Variants in BAIAP2L2 observed in about 807,000 individuals in gnomAD.
BAIAP2L2 encodes the protein BAR/IMD domain containing adaptor protein 2 like 2.
A neutral mutation model predicts 60.4 loss-of-function variants in BAIAP2L2; 65 were observed. The observed-to-expected ratio is 1.08, with a 90% CI of 0.88 to 1.32. The LOEUF is 1.32. Ranked by LOEUF, BAIAP2L2 falls within the 40% of genes most tolerant of loss-of-function variation. The pLI, the probability that BAIAP2L2 is intolerant of heterozygous loss-of-function variation, is 0.00. For synonymous variants in BAIAP2L2, 344 were observed against 301.7 expected (o/e 1.14, Z -1.45); for missense variants, 836 against 741.2 (o/e 1.13, Z -1.48).
intron 4 of BAIAP2L2, among the ~76,000 whole-genome samples, chr22:38,104,800 A>G (rs537803520): frequency 6.8e-6 from 1 of 147,758 alleles, no homozygotes; most frequent in East Asian, 2.0e-4. Flanking sequence ...CCAGCCAAAA[A>G]TTTTTTTTTT....
chr22:38,097,233 C>T, intron 6 of BAIAP2L2, 55 bp from the exon 7 acceptor site: 3 of 1,588,596 alleles, frequency 1.9e-6, no homozygotes, highest in Non-Finnish European at 2.6e-6. Context: ...CATCCCACCC[C>T]CCTCGCCCAC....
At chr22:38,102,757 C>T (rs1453997167) in intron 4 of BAIAP2L2, among the ~76,000 whole-genome samples, 10 of 151,908 alleles carry the variant, frequency 6.6e-5, no homozygotes, top group African/African-American at 2.2e-4. Flanking sequence ...TATCCAGGCA[C>T]GGCCGGGTGC....
intron 13 of BAIAP2L2, 121 bp downstream of exon 13, chr22:38,085,565 T>C (rs562336596): frequency 7.5e-7 from 1 of 1,334,294 alleles, no homozygotes; most frequent in East Asian, 2.3e-5. Context: ...CTCAAGCTGA[T>C]GTTGAACTGT....
chr22:38,105,167 C>T (rs1054210067), intron 4 of BAIAP2L2, among the ~76,000 whole-genome samples: 15 of 152,014 alleles, frequency 9.9e-5, no homozygotes, highest in Non-Finnish European at 4.4e-5. Flanking sequence ...GAGGAAGGGC[C>T]AGAGTCCCGC....
chr22:38,108,305 A>G lies in BAIAP2L2; in HGVS notation c.164T>C (p.Ile55Thr), dbSNP rs1006444452. 15 of 1,612,654 alleles carry G rather than the reference A, an allele frequency of 9.3e-6. No individual in the cohort carries two copies. The highest frequency in any genetic ancestry group is 1.3e-5 in the African/African-American group (1 of 74,928). The stretch of plus-strand genomic sequence containing the variant: ...CAGGGCACGCTCCCCAATCTTCTGG[A>G]TGGCACTGAAGTAGACCTCGGCCGC... ...SEAAEVYFSA[I>T]QKIGERALQS... The change falls in exon 3 of 14, where the codon ATC (isoleucine) becomes ACC (threonine). Residue 55 changes from isoleucine to threonine, a missense_variant. Coordinates refer to ENST00000381669, the MANE Select transcript of BAIAP2L2 (RefSeq NM_025045.6).
rs753749016 is a variant in BAIAP2L2 at position 38,085,209 on chromosome 22, G to A, written c.*91C>T. The A allele has an allele frequency of 3.8e-5, 53 of 1,409,758 alleles. No homozygotes were observed. Among genetic ancestry groups the A allele is most frequent in the Admixed American group, 9.4e-5 (5 of 53,384 alleles). 87.3% of individuals were successfully genotyped at this position (1,409,758 alleles called of 1,614,324 possible). On this transcript the variant is annotated 3_prime_UTR_variant, in exon 14 of 14. Coordinates refer to ENST00000381669, the MANE Select transcript of BAIAP2L2 (RefSeq NM_025045.6). ...CCCCCGTCTCAGGGACCCGCTTCTT[G>A]GATCTGCTGCTGTTGCTGCTGTCGC...
chr22:38,089,057 C>G (rs62235125), intron 9 of BAIAP2L2, 39 bp downstream of exon 9: 530,987 of 1,383,782 alleles, frequency 0.38, 104,587 homozygotes, highest in South Asian at 0.47. Context: ...CCCCGCGCCT[C>G]TCCCGGCCCT....
chr22:38,103,129 T>A (rs1602025181), intron 4 of BAIAP2L2, among the ~76,000 whole-genome samples: 1 of 151,810 alleles, frequency 6.6e-6, no homozygotes, highest in Non-Finnish European at 1.5e-5. Context: ...GGCAGGAAGA[T>A]CATTTGAGCC....
intron 7 of BAIAP2L2, among the ~76,000 whole-genome samples, chr22:38,096,580 G>A (rs1278158746): frequency 6.6e-6 from 1 of 152,132 alleles, no homozygotes; most frequent in Non-Finnish European, 1.5e-5. Context: ...GCTTGAACCC[G>A]GGAGGGAGAG....
chr22:38,109,396 C>G (rs1252363340), intron 1 of BAIAP2L2, among the ~76,000 whole-genome samples, 188 bp from the exon 2 acceptor site: 2 of 152,100 alleles, frequency 1.3e-5, no homozygotes, highest in Non-Finnish European at 2.9e-5. Context: ...GCAGGGACCT[C>G]AGAGCCCATC....
intron 4 of BAIAP2L2, among the ~76,000 whole-genome samples, chr22:38,105,057 CTG>C (rs1410302117): frequency 2.0e-5 from 3 of 152,140 alleles, no homozygotes; most frequent in African/African-American, 7.2e-5. Flanking sequence ...TTTTCTGTGC[CTG>C]TGTTTTAGTT....
intron 7 of BAIAP2L2, among the ~76,000 whole-genome samples, chr22:38,094,963 CCAACATGGT>C (rs1326401824): frequency 2.0e-5 from 3 of 152,030 alleles, no homozygotes; most frequent in Non-Finnish European, 2.9e-5. Flanking sequence ...ACCACCCTGG[CCAACATGGT>C]GAAACCCTGT....
At chr22:38,085,432 G>A in intron 13 of BAIAP2L2, 57 bp from the exon 14 acceptor site, 2 of 1,554,578 alleles carry the variant, frequency 1.3e-6, no homozygotes, top group East Asian at 2.3e-5. Flanking sequence ...ACCTGGCCAT[G>A]GCTCAGGAAG....
chr22:38,105,489 G>A (rs945840467), intron 4 of BAIAP2L2, among the ~76,000 whole-genome samples: 4 of 151,826 alleles, frequency 2.6e-5, no homozygotes, highest in East Asian at 3.9e-4. Flanking sequence ...ACAGGCGCCC[G>A]CCACCACATG....
In BAIAP2L2 at chr22:38,109,212, G is replaced by C. The variant is rs761411106; in HGVS notation, c.52-4C>G. On this transcript the variant is annotated splice_region_variant and splice_polypyrimidine_tract_variant and intron_variant, in intron 1 of 13. Coordinates refer to ENST00000381669, the MANE Select transcript of BAIAP2L2 (RefSeq NM_025045.6). ...GGTTAAACTGCTCCATGATGCTCTGGACCCCAGGGTCAGGGGAGGAAAAAG... is the reference window on the plus strand; with the variant it reads ...GGTTAAACTGCTCCATGATGCTCTGCACCCCAGGGTCAGGGGAGGAAAAAG... 5.0e-6 allele frequency: 8 copies of C among 1,609,480 alleles called. No homozygotes were observed. In the Admixed American group the frequency reaches 6.7e-5, roughly 13 times the overall value.
intron 11 of BAIAP2L2, 68 bp downstream of exon 11, chr22:38,087,056 C>T: frequency 1.4e-6 from 2 of 1,448,722 alleles, no homozygotes; most frequent in Non-Finnish European, 1.8e-6. Flanking sequence ...CTTGCAGATC[C>T]TCTCCGCTGG....
chr22:38,095,283 G>A (rs1419032284), intron 7 of BAIAP2L2, among the ~76,000 whole-genome samples: 2 of 152,210 alleles, frequency 1.3e-5, no homozygotes, highest in African/African-American at 4.8e-5. Context: ...TGGAGGATGG[G>A]AAGGATGAAG....
rs2086698107 is a variant in BAIAP2L2 at position 38,107,890 on chromosome 22, C to G, written c.238G>C (p.Asp80His). Residue 80 changes from aspartate to histidine, a missense_variant, in exon 4 of 14, where the codon GAC becomes CAC. Asp to His is a moderately conservative substitution (Grantham distance 81, BLOSUM62 -1). Coordinates refer to ENST00000381669, the MANE Select transcript of BAIAP2L2 (RefSeq NM_025045.6). ...TCAGAGTTCAAGTGCCGCTGGGTGT[C>G]AGACATCTGCACCAAGATCTCCCCT... is the stretch of plus-strand genomic sequence containing the variant. ...ILGEILVQMS[D>H]TQRHLNSDLE... is the part of the protein sequence containing the mutation. 6.2e-7 allele frequency: 1 copy of G among 1,613,408 alleles called. No homozygotes were observed. Among genetic ancestry groups the G allele is most frequent in the Non-Finnish European group, 8.5e-7 (1 of 1,179,958 alleles).
Position 38,085,171 on chromosome 22 carries a change from G to A in BAIAP2L2, c.*129C>T. 1 of 972,856 alleles carries A rather than the reference G, an allele frequency of 1.0e-6. No homozygotes were observed. Among genetic ancestry groups the A allele is most frequent in the Non-Finnish European group, 1.5e-6 (1 of 648,436 alleles). 60.3% of individuals were successfully genotyped at this position (972,856 alleles called of 1,614,324 possible). On this transcript the variant is annotated 3_prime_UTR_variant, in exon 14 of 14. Transcript: ENST00000381669. ...TGCTCAGGCTGCCGGGGTGGTCTGG[G>A]GAGGGCAGCCACCCCCCGTCTCAGG...
Sources: gnomAD v4.1 joint callset for allele counts (sites outside exome capture counted in the v4.1 genomes callset) on GRCh38, gnomAD v4.1.1 for gene constraint, MANE v1.5 for transcripts, NCBI Gene and HGNC (gene_info 2026-07-23, HGNC 2026-07-21) for gene names.